Variants in IPO11 observed in about 807,000 individuals in gnomAD.
The protein encoded by IPO11 is importin-11.
A neutral mutation model predicts 143.2 loss-of-function variants in IPO11; 66 were observed. That is an observed-to-expected ratio of 0.46 (90% CI 0.38 to 0.57). The LOEUF is 0.57. Among genes scored for constraint, IPO11 ranks in the 20% least tolerant of loss-of-function variants. The pLI, the probability that IPO11 is intolerant of heterozygous loss-of-function variation, is 0.00. For synonymous variants in IPO11, 385 were observed against 377.8 expected (o/e 1.02, Z -0.22); for missense variants, 1,026 against 1,141.0 (o/e 0.90, Z 1.45).
chr5:62,617,123 G>A (rs546797525), intron 29 of IPO11, among the ~76,000 whole-genome samples: 2 of 152,232 alleles, frequency 1.3e-5, no homozygotes, highest in African/African-American at 4.8e-5. Flanking sequence ...AACCACAAAG[G>A]CAATTAGAAC....
chr5:62,561,561 C>T (rs1743772685), intron 27 of IPO11, among the ~76,000 whole-genome samples: 1 of 151,980 alleles, frequency 6.6e-6, no homozygotes, highest in Admixed American at 6.6e-5. Context: ...ATCTTCAGTC[C>T]TCTGTTTACA....
intron 1 of IPO11, among the ~76,000 whole-genome samples, chr5:62,425,071 T>C (rs1363809104): frequency 6.6e-6 from 1 of 152,210 alleles, no homozygotes; most frequent in Non-Finnish European, 1.5e-5. Context: ...TTGAATCTCA[T>C]CTTTCTCGCA....
intron 28 of IPO11, among the ~76,000 whole-genome samples, chr5:62,597,833 A>C (rs1180521410): frequency 6.6e-6 from 1 of 152,166 alleles, no homozygotes; most frequent in Non-Finnish European, 1.5e-5. Flanking sequence ...TTTAACAATA[A>C]AGAATTAGTT....
intron 15 of IPO11, among the ~76,000 whole-genome samples, chr5:62,491,481 C>A (rs762489044): frequency 6.6e-6 from 1 of 152,128 alleles, no homozygotes; most frequent in Non-Finnish European, 1.5e-5. Context: ...AAGACCTTCA[C>A]TGTCCAGTGC....
At chr5:62,515,196 A>G (rs1378138328) in intron 19 of IPO11, among the ~76,000 whole-genome samples, 192 bp from the exon 20 acceptor site, 1 of 152,168 alleles carries the variant, frequency 6.6e-6, no homozygotes, top group African/African-American at 2.4e-5. Flanking sequence ...ATTTAAAAAT[A>G]TTTACTATAG....
intron 9 of IPO11, among the ~76,000 whole-genome samples, chr5:62,479,194 T>C (rs1746089484): frequency 6.6e-6 from 1 of 152,192 alleles, no homozygotes; most frequent in South Asian, 2.1e-4. Context: ...GTGTTTGGTT[T>C]TCCGTCCTTG....
intron 1 of IPO11, among the ~76,000 whole-genome samples, chr5:62,434,864 A>C (rs938486067): frequency 1.4e-4 from 21 of 151,318 alleles, no homozygotes; most frequent in Non-Finnish European, 2.2e-4. Context: ...GTCTCTACTA[A>C]AAATACAAAA....
chr5:62,514,410 C>T (rs1197169485), intron 19 of IPO11, among the ~76,000 whole-genome samples: 1 of 151,904 alleles, frequency 6.6e-6, no homozygotes, highest in African/African-American at 2.4e-5. Context: ...GCCAACACAG[C>T]GAAACCCCGT....
At chr5:62,581,875 TG>T (rs1471168025) in intron 27 of IPO11, among the ~76,000 whole-genome samples, 2 of 152,174 alleles carry the variant, frequency 1.3e-5, no homozygotes, top group Non-Finnish European at 2.9e-5. Context: ...AGGTGAGAGA[TG>T]GCTTTATGAA....
At chr5:62,539,724 A>C (rs1044490174) in intron 24 of IPO11, among the ~76,000 whole-genome samples, 4 of 152,216 alleles carry the variant, frequency 2.6e-5, no homozygotes, top group Non-Finnish European at 5.9e-5. Flanking sequence ...AAGTAACATC[A>C]AACATGTTGC....
At chr5:62,444,667 G>A (rs1023934728) in intron 3 of IPO11, among the ~76,000 whole-genome samples, 1 of 151,816 alleles carries the variant, frequency 6.6e-6, no homozygotes, top group Non-Finnish European at 1.5e-5. Context: ...TCAGGAGTTC[G>A]AGACCAGCCT....
intron 17 of IPO11, 44 bp downstream of exon 17, chr5:62,504,744 T>C: frequency 1.4e-6 from 2 of 1,382,708 alleles, no homozygotes; most frequent in Admixed American, 2.2e-5. Context: ...CAAAGAACTT[T>C]AACACTTTTA....
At chr5:62,459,612 G>A (rs1042632329) in intron 5 of IPO11, among the ~76,000 whole-genome samples, 2 of 151,678 alleles carry the variant, frequency 1.3e-5, no homozygotes. Flanking sequence ...GTGCAGTGGT[G>A]CAATCTTGGT....
chr5:62,422,066 C>T (rs545869766), intron 1 of IPO11, among the ~76,000 whole-genome samples: 1 of 152,228 alleles, frequency 6.6e-6, no homozygotes, highest in South Asian at 2.1e-4. Context: ...CTATTCAGTG[C>T]CTTAATCAAA....
chr5:62,613,176 CCT>C (rs1298219265), intron 29 of IPO11, among the ~76,000 whole-genome samples: 8 of 151,890 alleles, frequency 5.3e-5, no homozygotes, highest in Non-Finnish European at 1.0e-4. Flanking sequence ...TTCATATTTC[CCT>C]CTCTCACACA....
intron 19 of IPO11, among the ~76,000 whole-genome samples, chr5:62,507,813 T>G (rs1389984459): frequency 5.9e-5 from 9 of 152,236 alleles, no homozygotes; most frequent in Admixed American, 5.9e-4. Context: ...TTTGGCTTAG[T>G]AAATTTAAAA....
chr5:62,601,743 T>C (rs781600578), intron 28 of IPO11, 21 bp from the exon 29 acceptor site: 3 of 1,388,776 alleles, frequency 2.2e-6, no homozygotes, highest in South Asian at 1.5e-5. Context: ...TTAAAACATG[T>C]TTTTTAAAAA....
intron 6 of IPO11, 98 bp from the exon 7 acceptor site, chr5:62,470,152 C>T: frequency 8.5e-7 from 1 of 1,182,194 alleles, no homozygotes; most frequent in Non-Finnish European, 1.3e-6. Flanking sequence ...AGATTAACCT[C>T]CAAGCTTGAT....
intron 1 of IPO11, among the ~76,000 whole-genome samples, chr5:62,420,465 G>A (rs1743472859): frequency 6.6e-6 from 1 of 152,098 alleles, no homozygotes; most frequent in African/African-American, 2.4e-5. Flanking sequence ...TGTGAGTAAT[G>A]TGATTTACTA....
Sources: allele counts gnomAD v4.1 joint callset (sites outside exome capture counted in the v4.1 genomes callset), GRCh38; gene constraint gnomAD v4.1.1; transcripts MANE v1.5; gene names NCBI Gene and HGNC (gene_info 2026-07-23, HGNC 2026-07-21).